ATP5PD: variants seen among roughly 807,000 people sequenced by gnomAD.
ATP5PD encodes the protein ATP synthase peripheral stalk subunit d.
Under a neutral mutation model 22.6 loss-of-function variants are expected in ATP5PD, and 13 were observed. That is an observed-to-expected ratio of 0.58 (90% CI 0.37 to 0.91). The LOEUF (loss-of-function observed/expected upper bound fraction) is 0.91, where lower values mean the gene tolerates loss of function less well. Among genes scored for constraint, ATP5PD ranks in the 40% least tolerant of loss-of-function variants. The pLI is 0.00. For missense variants in ATP5PD, 165 were observed against 188.0 expected (o/e 0.88, Z 0.72); for synonymous variants, 51 against 65.0 (o/e 0.79, Z 1.03).
Position 75,042,183 on chromosome 17 carries a change from T to A in ATP5PD, c.217A>T (p.Lys73Ter). 3 of 1,613,706 alleles carry A rather than the reference T, an allele frequency of 1.9e-6. No individual in the cohort carries two copies. The highest frequency in any genetic ancestry group is 2.5e-6 in the Non-Finnish European group (3 of 1,179,746). ...KAGLVDDFEK[K>*]FNALKVPVPE... ...GCTTTAGAGGTGTGAAGTCTCACCT[T>A]CTTCTCAAAGTCATCCACCAAGCCA... The change falls in exon 3 of 6, where the codon AAG (lysine) becomes TAG (stop). Residue 73 changes from lysine to a stop codon, truncating the protein, a stop_gained and splice_region_variant. Coordinates refer to ENST00000301587, the MANE Select transcript of ATP5PD (RefSeq NM_006356.3). LOFTEE classifies it high-confidence loss of function.
intron 5 of ATP5PD, 42 bp from the exon 6 acceptor site, chr17:75,039,105 C>A (rs148579788): frequency 1.2e-6 from 2 of 1,612,312 alleles, no homozygotes; most frequent in South Asian, 1.1e-5. Context: ...TAAACAGAGA[C>A]GGAAAGCAGA....
At chr17:75,040,981 A>T (rs36040467) in intron 3 of ATP5PD, 12,769 of 152,126 alleles carry the variant, frequency 0.084, 860 homozygotes, top group African/African-American at 0.19. Flanking sequence ...TGAATGAATA[A>T]GCAAATGAAC....
chr17:75,039,537 G>T (rs961823876), intron 4 of ATP5PD: 1 of 453,316 alleles, frequency 2.2e-6, no homozygotes, highest in Non-Finnish European at 4.0e-6. Context: ...CAGAATGCCT[G>T]TTTTCACAGG....
At chr17:75,044,246 C>T (rs1338754033) in intron 1 of ATP5PD, among the ~76,000 whole-genome samples, 1 of 93,150 alleles carries the variant, frequency 1.1e-5, no homozygotes, top group Non-Finnish European at 1.8e-5. Flanking sequence ...TCGCCCAGGC[C>T]GGACTGCGGA....
chr17:75,040,155 C>T lies in ATP5PD; in HGVS notation c.228G>A (p.Ala76=), dbSNP rs531574107. Residue 76 remains alanine, a synonymous_variant, in exon 4 of 6, where the codon GCG becomes GCA. Transcript: ENST00000301587. ...LVDDFEKKFN[A]LKVPVPEDKY... is the part of the protein sequence containing the mutation. Reference sequence around the variant, plus strand: ...TATCCTCTGGCACGGGAACCTTCAGCGCATTAAACTACAAACACAAGGGCA... The same window carrying T: ...TATCCTCTGGCACGGGAACCTTCAGTGCATTAAACTACAAACACAAGGGCA... 10 of 1,611,536 alleles carry T rather than the reference C, an allele frequency of 6.2e-6. No individual in the cohort carries two copies. The highest frequency in any genetic ancestry group is 4.5e-5 in the East Asian group (2 of 44,886).
At chr17:75,044,144 C>A (rs1339892358) in intron 1 of ATP5PD, among the ~76,000 whole-genome samples, 1 of 150,502 alleles carries the variant, frequency 6.6e-6, no homozygotes, top group Non-Finnish European at 1.5e-5. Context: ...CCTGCCTCAG[C>A]CTCCGGAGTA....
intron 2 of ATP5PD, 123 bp from the exon 3 acceptor site, chr17:75,042,400 T>C (rs1399439388): frequency 1.3e-6 from 2 of 1,501,676 alleles, no homozygotes; most frequent in Non-Finnish European, 1.8e-6. Flanking sequence ...CCTAAGATCA[T>C]CATGAAAATG....
intron 3 of ATP5PD, chr17:75,041,897 G>A (rs1025524678): frequency 7.6e-5 from 21 of 277,358 alleles, no homozygotes; most frequent in Non-Finnish European, 1.3e-4. Flanking sequence ...GCCTAAGAAG[G>A]GGTGAACCGG....
intron 1 of ATP5PD, among the ~76,000 whole-genome samples, chr17:75,045,554 G>T (rs1312405679): frequency 6.6e-6 from 1 of 152,200 alleles, no homozygotes; most frequent in Non-Finnish European, 1.5e-5. Context: ...CTTTCTCAGG[G>T]ATATCCCATG....
chr17:75,046,656 C>A (rs900101256), intron 1 of ATP5PD, among the ~76,000 whole-genome samples: 1 of 152,246 alleles, frequency 6.6e-6, no homozygotes, highest in Non-Finnish European at 1.5e-5. Context: ...GCGCTGGGAG[C>A]GGACTGCACG....
At chr17:75,039,416 C>T in intron 4 of ATP5PD, 145 bp from the exon 5 acceptor site, 1 of 667,148 alleles carries the variant, frequency 1.5e-6, no homozygotes, top group Non-Finnish European at 2.6e-6. Flanking sequence ...GGCGCTCACT[C>T]TGACAGGCAA....
At chr17:75,041,459 AAAAAC>A (rs1221412807) in intron 3 of ATP5PD, 3 of 151,586 alleles carry the variant, frequency 2.0e-5, no homozygotes, top group Non-Finnish European at 2.9e-5. Context: ...AAAAAAAAAA[AAAAAC>A]AAAACGAAAA....
At chr17:75,043,513 T>C (rs1240699934) in intron 1 of ATP5PD, among the ~76,000 whole-genome samples, 1 of 151,690 alleles carries the variant, frequency 6.6e-6, no homozygotes, top group East Asian at 1.9e-4. Flanking sequence ...CTCAAGAGGC[T>C]TAGACAGGAC....
intron 3 of ATP5PD, 145 bp downstream of exon 3, chr17:75,042,036 C>T (rs755682846): frequency 1.0e-4 from 68 of 650,790 alleles, no homozygotes; most frequent in Non-Finnish European, 1.6e-4. Flanking sequence ...ACAGTTCAAT[C>T]GACCACAAGG....
intron 4 of ATP5PD, 185 bp downstream of exon 4, chr17:75,039,907 T>C (rs2073141465): frequency 3.0e-6 from 2 of 670,670 alleles, no homozygotes; most frequent in Non-Finnish European, 5.2e-6. Context: ...TTCTTTTTCT[T>C]GTTGGCTTCT....
intron 1 of ATP5PD, among the ~76,000 whole-genome samples, chr17:75,042,904 G>A (rs2073175325): frequency 6.6e-6 from 1 of 152,064 alleles, no homozygotes; most frequent in Non-Finnish European, 1.5e-5. Flanking sequence ...AAAAGACAGT[G>A]TAGCTTTTCA....
At position 75,039,020 on chromosome 17, in the gene ATP5PD, A is replaced by G. The variant is rs1349511290; in HGVS notation, c.398T>C (p.Ile133Thr). The G allele has an allele frequency of 2.5e-6, 4 of 1,614,062 alleles. No homozygotes were observed. The highest frequency in any genetic ancestry group is 1.7e-5 in the Admixed American group (1 of 60,000). Residue 133 changes from isoleucine to threonine, a missense_variant, in exon 6 of 6, where the codon ATT (isoleucine) becomes ACT (threonine). Coordinates refer to ENST00000301587, the MANE Select transcript of ATP5PD (RefSeq NM_006356.3). The stretch of plus-strand genomic sequence containing the variant: ...TGGGAAAGCTTCATTCAAGTCCTCA[A>G]TGGTCATCTGATCAAATGGAATTAA... ...KNLIPFDQMT[I>T]EDLNEAFPET...
At chr17:75,042,152 C>G (rs755493665) in intron 3 of ATP5PD, 29 bp downstream of exon 3, 3 of 1,588,910 alleles carry the variant, frequency 1.9e-6, no homozygotes, top group South Asian at 2.2e-5. Context: ...ATGTTACAAG[C>G]TCAGTGCTTT....
rs1459986652 is a variant in ATP5PD at position 75,039,232 on chromosome 17, T to C, written c.331A>G (p.Arg111Gly). Reference protein sequence around the residue: ...CAEWVSLSKARIVEYEKEMEK... With the variant: ...CAEWVSLSKAGIVEYEKEMEK... ...ACCTCTTTCTCATATTCTACAATCCTGGCCTTTGAGAGAGACACCCACTCA... is the reference window on the plus strand; with the variant it reads ...ACCTCTTTCTCATATTCTACAATCCCGGCCTTTGAGAGAGACACCCACTCA... The change falls in exon 5 of 6, where the codon AGG (arginine) becomes GGG (glycine). Residue 111 changes from arginine to glycine, a missense_variant. Coordinates refer to ENST00000301587, the MANE Select transcript of ATP5PD (RefSeq NM_006356.3). The C allele has an allele frequency of 2.5e-6, 4 of 1,614,096 alleles. No individual in the cohort carries two copies. In the South Asian group the frequency reaches 3.3e-5, roughly 13 times the overall value.
Sources: allele counts gnomAD v4.1 joint callset (sites outside exome capture counted in the v4.1 genomes callset), GRCh38; gene constraint gnomAD v4.1.1; transcripts MANE v1.5; gene names NCBI Gene and HGNC (gene_info 2026-07-23, HGNC 2026-07-21).